The following POFUT3 variants were observed in gnomAD, a reference collection of about 807,000 sequenced individuals.
POFUT3 encodes the protein protein O-fucosyltransferase 3, also known as GDP-fucose protein O-fucosyltransferase 3.
At chr8:33,445,236 G>A in the POFUT3 span, among the ~76,000 whole-genome samples, 1 of 148,906 alleles carries the variant, frequency 6.7e-6, no homozygotes, top group Non-Finnish European at 1.5e-5. Flanking sequence ...GCCTAGCCAT[G>A]ACCTTCATTT....
At chr8:33,389,884 G>A in the POFUT3 span, 1 of 916,632 alleles carries the variant, frequency 1.1e-6, no homozygotes, top group Middle Eastern at 2.4e-4. Flanking sequence ...GAATACAGAG[G>A]AGTCTGAGGC....
the POFUT3 span, chr8:33,455,663 A>T: frequency 1.1e-5 from 4 of 349,560 alleles, no homozygotes; most frequent in Non-Finnish European, 2.3e-5. Flanking sequence ...AAGCAGTTAA[A>T]GTAAGGCACA....
chr8:33,390,893 C>A, the POFUT3 span, among the ~76,000 whole-genome samples: 1 of 152,150 alleles, frequency 6.6e-6, no homozygotes, highest in Non-Finnish European at 1.5e-5. Flanking sequence ...TGTTTCCTGG[C>A]TGCATGGGTG....
chr8:33,455,894 G>C, the POFUT3 span: 1 of 368,212 alleles, frequency 2.7e-6, no homozygotes, highest in Admixed American at 3.5e-5. Context: ...GGTATCCAAG[G>C]CCAAAAAAGA....
the POFUT3 span, among the ~76,000 whole-genome samples, chr8:33,439,824 G>A: frequency 9.9e-5 from 15 of 151,682 alleles, no homozygotes; most frequent in Non-Finnish European, 1.8e-4. Context: ...CCAAGATCGC[G>A]CCACTGCATT....
the POFUT3 span, among the ~76,000 whole-genome samples, chr8:33,434,579 T>A: frequency 2.3e-3 from 351 of 152,224 alleles, 1 homozygote; most frequent in African/African-American, 7.4e-3. Context: ...GCATAAAAGC[T>A]ATTACCTTTT....
the POFUT3 span, among the ~76,000 whole-genome samples, chr8:33,364,622 C>T: frequency 2.0e-5 from 3 of 152,006 alleles, no homozygotes; most frequent in Non-Finnish European, 2.9e-5. Flanking sequence ...TTCCTACACA[C>T]CATTAACAGA....
the POFUT3 span, among the ~76,000 whole-genome samples, chr8:33,409,818 T>C: frequency 1.3e-5 from 2 of 152,254 alleles, no homozygotes; most frequent in Admixed American, 1.3e-4. Flanking sequence ...GGCAGGAGAA[T>C]GGCGTGAACC....
the POFUT3 span, among the ~76,000 whole-genome samples, chr8:33,380,124 CTA>C: frequency 0.044 from 2,273 of 51,182 alleles, 517 homozygotes; most frequent in South Asian, 0.13. Flanking sequence ...TATATATACA[CTA>C]TATATATATA....
the POFUT3 span, chr8:33,389,920 C>G: frequency 7.2e-5 from 49 of 682,300 alleles, no homozygotes; most frequent in South Asian, 9.2e-4. Context: ...TGTGGCCGGG[C>G]ACGGTGGCTC....
the POFUT3 span, among the ~76,000 whole-genome samples, chr8:33,396,222 C>T: frequency 2.0e-5 from 3 of 152,150 alleles, no homozygotes; most frequent in African/African-American, 7.2e-5. Flanking sequence ...CTTCCTGTGC[C>T]TCTCCAGTCG....
the POFUT3 span, among the ~76,000 whole-genome samples, chr8:33,318,653 AT>A: frequency 3.7e-5 from 3 of 80,056 alleles, no homozygotes; most frequent in African/African-American, 1.6e-4. Flanking sequence ...TTGTATATAT[AT>A]TTATATAATA....
chr8:33,328,189 C>T, the POFUT3 span, among the ~76,000 whole-genome samples: 2 of 152,132 alleles, frequency 1.3e-5, no homozygotes, highest in South Asian at 2.1e-4. Context: ...ACAGGCTGTC[C>T]GAGGAGGGGT....
chr8:33,377,231 C>CAA, the POFUT3 span, among the ~76,000 whole-genome samples: 22 of 103,564 alleles, frequency 2.1e-4, no homozygotes, highest in African/African-American at 8.0e-4. Context: ...GACTCTGTCT[C>CAA]AAAAAAAAAA....
chr8:33,454,225 C>G, the POFUT3 span, among the ~76,000 whole-genome samples: 1 of 152,194 alleles, frequency 6.6e-6, no homozygotes, highest in African/African-American at 2.4e-5. Context: ...ACCCAGGGGT[C>G]AGCAGGGCTG....
the POFUT3 span, among the ~76,000 whole-genome samples, chr8:33,448,142 C>A: frequency 6.6e-6 from 1 of 152,000 alleles, no homozygotes; most frequent in African/African-American, 2.4e-5. Context: ...GATGTCAAGA[C>A]CAGCCTGGAC....
the POFUT3 span, among the ~76,000 whole-genome samples, chr8:33,376,218 A>G: frequency 6.6e-6 from 1 of 152,174 alleles, no homozygotes; most frequent in African/African-American, 2.4e-5. Flanking sequence ...TTTTTCTTAA[A>G]AAAAAAACTG....
the POFUT3 span, among the ~76,000 whole-genome samples, chr8:33,418,262 T>C: frequency 1.2e-3 from 186 of 152,114 alleles, no homozygotes; most frequent in African/African-American, 4.3e-3. Flanking sequence ...CGCTGAACCA[T>C]AGCACAGCCT....
At chr8:33,323,873 T>C in the POFUT3 span, among the ~76,000 whole-genome samples, 1 of 152,188 alleles carries the variant, frequency 6.6e-6, no homozygotes, top group African/African-American at 2.4e-5. Flanking sequence ...TTCTCACCCC[T>C]CTTTCATGCT....
Sources: gnomAD v4.1 joint callset for allele counts (sites outside exome capture counted in the v4.1 genomes callset) on GRCh38, gnomAD v4.1.1 for gene constraint, MANE v1.5 for transcripts, NCBI Gene and HGNC (gene_info 2026-07-23, HGNC 2026-07-21) for gene names.